GALNT15: variants seen among roughly 807,000 people sequenced by gnomAD.
The protein encoded by GALNT15 is UDP-GalNAc transferase T15.
In GALNT15, 67 loss-of-function variants were observed where a neutral mutation model predicts 66.8. The observed-to-expected ratio is 1.00, with a 90% CI of 0.82 to 1.23. GALNT15 has a LOEUF of 1.23. GALNT15 is among the 50% of genes most tolerant of loss of function. The probability of loss-of-function intolerance (pLI) is 0.00; values close to 1 mark genes in which losing one functional copy is unlikely to be tolerated. For synonymous variants in GALNT15, 313 were observed against 311.5 expected (o/e 1.00, Z -0.05); for missense variants, 827 against 804.3 (o/e 1.03, Z -0.34).
the GALNT15 span, among the ~76,000 whole-genome samples, chr3:16,237,866 A>C: frequency 6.6e-6 from 1 of 152,116 alleles, no homozygotes. The surrounding 1 kb of genome is among the most constrained non-coding windows in gnomAD (Gnocchi z 4.2). Flanking sequence ...CCCCTCACAG[A>C]CTGGTTTACG....
intron 2 of GALNT15, among the ~76,000 whole-genome samples, chr3:16,198,318 A>G (rs1336236863): frequency 7.1e-6 from 1 of 140,456 alleles, no homozygotes; most frequent in African/African-American, 2.7e-5. Context: ...CGAAGAAGAG[A>G]TAGGCAGAGG....
chr3:16,235,124 C>T (rs1040519689), downstream of GALNT15, among the ~76,000 whole-genome samples: 1 of 152,106 alleles, frequency 6.6e-6, no homozygotes, highest in Admixed American at 6.5e-5. Flanking sequence ...AGGGTTTCAA[C>T]ATTTTAGCCA....
rs1019852846 is a variant in GALNT15, at chr3:16,211,737, C to T, written c.1197+496C>T. Among the ~76,000 whole-genome samples, 3 of 152,188 alleles carry T rather than the reference C, an allele frequency of 2.0e-5. No homozygotes were observed. The highest frequency in any genetic ancestry group is 7.2e-5 in the African/African-American group (3 of 41,416). On this transcript the variant is annotated intron_variant, in intron 5 of 9. Transcript: ENST00000339732. The surrounding 1 kb of genome is among the most constrained non-coding windows in gnomAD (Gnocchi z 4.3). ...CCCACATTGCTTTTCTAGCATGATA[C>T]TTGCTTTTTCATCACAGTATCCTCC...
At position 16,187,196 on chromosome 3, in the gene GALNT15, G is replaced by A. The variant is rs2124847554; in HGVS notation, c.540-8564G>A. Reference sequence around the variant, plus strand: ...GGAGAATCGCCTGAACCTGGGAGGTGGAGGTTGCAGTGAGCTAAGATAATG... The same window carrying A: ...GGAGAATCGCCTGAACCTGGGAGGTAGAGGTTGCAGTGAGCTAAGATAATG... On this transcript the variant is annotated intron_variant, in intron 1 of 9. Transcript: ENST00000339732. The surrounding 1 kb of genome is among the most constrained non-coding windows in gnomAD (Gnocchi z 5.1). Among the ~76,000 whole-genome samples, 1 of 152,204 alleles carries A rather than the reference G, an allele frequency of 6.6e-6. No homozygotes were observed. The highest frequency in any genetic ancestry group is 6.5e-5 in the Admixed American group (1 of 15,294).
the GALNT15 span, among the ~76,000 whole-genome samples, chr3:16,247,097 A>AGT: frequency 0.34 from 48,595 of 144,720 alleles, 7,774 homozygotes; most frequent in East Asian, 0.43. Flanking sequence ...CAAAGACTGT[A>AGT]GTGTGTGTGT....
intron 3 of GALNT15, among the ~76,000 whole-genome samples, chr3:16,201,339 A>G (rs113285702): frequency 0.088 from 13,330 of 151,752 alleles, 928 homozygotes; most frequent in African/African-American, 0.19. Context: ...CCGCCACCAC[A>G]CCCGGCTAAT....
chr3:16,185,988 G>A (rs895776331), intron 1 of GALNT15, among the ~76,000 whole-genome samples: 1 of 152,086 alleles, frequency 6.6e-6, no homozygotes, highest in Non-Finnish European at 1.5e-5. Flanking sequence ...TTCAAAAGAT[G>A]TCATCAAGAA....
intron 1 of GALNT15, among the ~76,000 whole-genome samples, chr3:16,177,991 G>A (rs1042300090): frequency 1.2e-4 from 19 of 152,108 alleles, no homozygotes; most frequent in African/African-American, 2.7e-4. Context: ...GGTGTAATAC[G>A]TGTGTATTGC....
rs185826352 is a variant in GALNT15 at position 16,212,150 on chromosome 3, G to A, written c.1198-419G>A. ...CTTGCTTCTGTCTCTACCACAAACA[G>A]CTTCTGGTGTCTTTGTAGCACACTT... On this transcript the variant is annotated intron_variant, in intron 5 of 9. Coordinates refer to ENST00000339732, the MANE Select transcript of GALNT15 (RefSeq NM_054110.5). 1.7e-4 allele frequency among the ~76,000 whole-genome samples: 26 copies of A among 152,320 alleles called. 1 individual carries two copies. In the East Asian group the frequency reaches 3.5e-3, roughly 20 times the overall value.
At chr3:16,230,946 T>A (rs895109367), downstream of GALNT15, among the ~76,000 whole-genome samples, 26 of 152,122 alleles carry the variant, frequency 1.7e-4, no homozygotes, top group Non-Finnish European at 3.5e-4. This position sits in a 1 kb window ranked among gnomAD's most constrained non-coding sequence, Gnocchi z 4.5. Flanking sequence ...ATATACACCA[T>A]GGAATACTAT....
In GALNT15 at chr3:16,229,057, A is replaced by G; in HGVS notation, c.*1557A>G. 1.0e-6 allele frequency: 1 copy of G among 985,440 alleles called. No individual in the cohort carries two copies. The highest frequency in any genetic ancestry group is 1.7e-5 in the African/African-American group (1 of 57,366). 61.0% of individuals were successfully genotyped at this position (985,440 alleles called of 1,614,324 possible). Reference sequence around the variant, plus strand: ...TATTCATTTTTCCCCAGATGGAGTTACCTACCTTTCCACATGGTCAGCTTA... The same window carrying G: ...TATTCATTTTTCCCCAGATGGAGTTGCCTACCTTTCCACATGGTCAGCTTA... On this transcript the variant is annotated 3_prime_UTR_variant, in exon 10 of 10. Transcript: ENST00000339732.
rs762512741 is a variant in GALNT15, at chr3:16,175,204, T to G, written c.53T>G (p.Leu18Arg). ...AGACCATGCAGACTCCAGTTCCTCC[T>G]GCTGCTCCTGATGCTGGGATGCGTC... The part of the protein sequence containing the change: ...RHRPCRLQFL[L>R]LLLMLGCVLM... The change falls in exon 1 of 10, where the codon CTG becomes CGG. Residue 18 changes from leucine (L) to arginine (R), a missense_variant. Transcript: ENST00000339732. This position sits in a 1 kb window ranked among gnomAD's most constrained non-coding sequence, Gnocchi z 5.6. 4.3e-6 allele frequency: 7 copies of G among 1,614,218 alleles called. No homozygotes were observed. Among genetic ancestry groups the G allele is most frequent in the Non-Finnish European group, 5.1e-6 (6 of 1,180,030 alleles).
chr3:16,189,158 C>T lies in GALNT15; in HGVS notation c.540-6602C>T, dbSNP rs974345401. On this transcript the variant is annotated intron_variant, in intron 1 of 9. Coordinates refer to ENST00000339732, the MANE Select transcript of GALNT15 (RefSeq NM_054110.5). This position sits in a 1 kb window ranked among gnomAD's most constrained non-coding sequence, Gnocchi z 5.1. Reference sequence around the variant, plus strand: ...TGGAGAGCTTTGCTCCCGGTGGCAGCCTGAATCACAGGAAACATTTTGCTG... The same window carrying T: ...TGGAGAGCTTTGCTCCCGGTGGCAGTCTGAATCACAGGAAACATTTTGCTG... 6.6e-6 allele frequency among the ~76,000 whole-genome samples: 1 copy of T among 152,206 alleles called. No individual in the cohort carries two copies. The highest frequency in any genetic ancestry group is 1.5e-5 in the Non-Finnish European group (1 of 68,042).
In GALNT15 at chr3:16,189,515, A is replaced by G. The variant is rs573456070; in HGVS notation, c.540-6245A>G. Among the ~76,000 whole-genome samples, 5 of 152,332 alleles carry G rather than the reference A, an allele frequency of 3.3e-5. No individual in the cohort carries two copies. The highest frequency in any genetic ancestry group is 5.9e-5 in the Non-Finnish European group (4 of 68,038). ...ACATGTTCAGACAATACCAGAAGCCAGTCAGCACATTTTTACCTGAAAAAT... is the reference window on the plus strand; with the variant it reads ...ACATGTTCAGACAATACCAGAAGCCGGTCAGCACATTTTTACCTGAAAAAT... On this transcript the variant is annotated intron_variant, in intron 1 of 9. Coordinates refer to ENST00000339732, the MANE Select transcript of GALNT15 (RefSeq NM_054110.5). The surrounding 1 kb of genome is among the most constrained non-coding windows in gnomAD (Gnocchi z 5.1).
Position 16,186,910 on chromosome 3 carries a change from ACTTT to A in GALNT15, c.540-8849_540-8846del, listed in dbSNP as rs2063522547. 6.6e-6 allele frequency among the ~76,000 whole-genome samples: 1 copy of A among 152,160 alleles called. No homozygotes were observed. The highest frequency in any genetic ancestry group is 1.5e-5 in the Non-Finnish European group (1 of 68,028). On this transcript the variant is annotated intron_variant, in intron 1 of 9. Coordinates refer to ENST00000339732, the MANE Select transcript of GALNT15 (RefSeq NM_054110.5). This position sits in a 1 kb window ranked among gnomAD's most constrained non-coding sequence, Gnocchi z 5.1. ...TATACTTGAATCCATGGAATTGTAC[ACTTT>A]ATAAAGGTGGACATTATGGTATGTG...
Position 16,225,912 on chromosome 3 carries a change from G to A in GALNT15, c.1774-1442G>A, listed in dbSNP as rs1273471414. Among the ~76,000 whole-genome samples, 1 of 151,596 alleles carries A rather than the reference G, an allele frequency of 6.6e-6. No homozygotes were observed. Among genetic ancestry groups the A allele is most frequent in the African/African-American group, 2.4e-5 (1 of 41,172 alleles). ...AAAATACAAAAAATTAGCTGGGCAT[G>A]GTGTCACATGCCTGTAATCCCAGCT... On this transcript the variant is annotated intron_variant, in intron 9 of 9. Transcript: ENST00000339732. The surrounding 1 kb of genome is among the most constrained non-coding windows in gnomAD (Gnocchi z 4.4).
intron 9 of GALNT15, among the ~76,000 whole-genome samples, chr3:16,223,185 A>T (rs1223287015): frequency 6.6e-6 from 1 of 152,198 alleles, no homozygotes; most frequent in Non-Finnish European, 1.5e-5. Context: ...AGATATATAG[A>T]TATCACTTTC....
chr3:16,187,372 C>G lies in GALNT15; in HGVS notation c.540-8388C>G, dbSNP rs2063528508. 6.6e-6 allele frequency among the ~76,000 whole-genome samples: 1 copy of G among 152,258 alleles called. No homozygotes were observed. The highest frequency in any genetic ancestry group is 2.1e-4 in the South Asian group (1 of 4,836). On this transcript the variant is annotated intron_variant, in intron 1 of 9. Coordinates refer to ENST00000339732, the MANE Select transcript of GALNT15 (RefSeq NM_054110.5). The surrounding 1 kb of genome is among the most constrained non-coding windows in gnomAD (Gnocchi z 5.1). ...TCTGCTGATCTCCCCTGGGTTCACC[C>G]CTGTGGCTGCCATCAGAGGGCGGCT...
chr3:16,208,417 A>G (rs1352136648), intron 3 of GALNT15, 86 bp from the exon 4 acceptor site: 16 of 1,409,134 alleles, frequency 1.1e-5, no homozygotes, highest in Non-Finnish European at 1.4e-5. Flanking sequence ...GGTAGCCACC[A>G]TACTGGGCAG....
Sources: allele counts gnomAD v4.1 joint callset (sites outside exome capture counted in the v4.1 genomes callset), GRCh38; gene constraint gnomAD v4.1.1; non-coding constraint Gnocchi (gnomAD v3.1); transcripts MANE v1.5; gene names NCBI Gene and HGNC (gene_info 2026-07-23, HGNC 2026-07-21).